URB2: variants seen among roughly 807,000 people sequenced by gnomAD.
The protein encoded by URB2 is URB2 ribosome biogenesis homolog.
In URB2, 86 loss-of-function variants were observed where a neutral mutation model predicts 120.9. The observed-to-expected ratio is 0.71, with a 90% confidence interval of 0.60 to 0.85. The LOEUF is 0.85. URB2 is among the 40% of genes least tolerant of loss of function. URB2 has a pLI of 0.00. For synonymous variants in URB2, 755 were observed against 758.4 expected (o/e 1.00, Z 0.07); for missense variants, 1,765 against 1,836.5 (o/e 0.96, Z 0.71).
Position 229,637,566 on chromosome 1 carries a change from T to C in URB2, c.2953T>C (p.Phe985Leu). The C allele has an allele frequency of 6.2e-7, 1 of 1,614,214 alleles. No homozygotes were observed. Among genetic ancestry groups the C allele is most frequent in the Non-Finnish European group, 8.5e-7 (1 of 1,180,030 alleles). ...LTSLFRASSR[F>L]LIEMDDPAWL... The stretch of plus-strand genomic sequence containing the variant: ...CTCATTGTTCAGAGCTAGTAGTAGG[T>C]TCCTTATTGAGATGGATGATCCCGC... Residue 985 changes from phenylalanine to leucine, a missense_variant, in exon 4 of 10, where the codon TTC becomes CTC. Coordinates refer to ENST00000258243, the MANE Select transcript of URB2 (RefSeq NM_014777.4).
At chr1:229,639,429 G>A (rs183499917) in intron 4 of URB2, among the ~76,000 whole-genome samples, 1 of 151,404 alleles carries the variant, frequency 6.6e-6, no homozygotes, top group Non-Finnish European at 1.5e-5. Flanking sequence ...CCGCTTCCCG[G>A]GTTCATGCCA....
chr1:229,646,522 C>T (rs916032667), intron 6 of URB2, among the ~76,000 whole-genome samples: 1 of 151,994 alleles, frequency 6.6e-6, no homozygotes, highest in South Asian at 2.1e-4. Flanking sequence ...TTTCTTTGTC[C>T]CCACAAAATG....
chr1:229,653,927 C>A (rs895449242), intron 8 of URB2, among the ~76,000 whole-genome samples: 7 of 146,124 alleles, frequency 4.8e-5, no homozygotes, highest in African/African-American at 7.7e-5. Flanking sequence ...TATAGAACTC[C>A]ATCTTGGTGT....
In URB2 at chr1:229,636,146, G is replaced by A. The variant is rs138812286; in HGVS notation, c.1533G>A (p.Leu511=). 1,223 of 1,614,248 alleles carry A rather than the reference G, an allele frequency of 7.6e-4. 1 individual carries two copies. The highest frequency in any genetic ancestry group is 1.6e-3 in the Admixed American group (95 of 60,030). ...CLLELPPSQI[L]DTWSLVLEKF... ...TGGAGCTGCCTCCAAGTCAGATCCTGGACACGTGGTCCCTTGTGCTGGAGA... is the reference window on the plus strand; with the variant it reads ...TGGAGCTGCCTCCAAGTCAGATCCTAGACACGTGGTCCCTTGTGCTGGAGA... The change falls in exon 4 of 10, where the codon CTG becomes CTA. Residue 511 remains leucine (L), a synonymous_variant. Coordinates refer to ENST00000258243, the MANE Select transcript of URB2 (RefSeq NM_014777.4).
At chr1:229,651,782 A>G (rs570953303) in intron 8 of URB2, among the ~76,000 whole-genome samples, 2 of 152,190 alleles carry the variant, frequency 1.3e-5, no homozygotes, top group Non-Finnish European at 2.9e-5. Context: ...TACTAGGGAA[A>G]CACTAACTGC....
At chr1:229,649,718 A>G (rs917886159) in intron 7 of URB2, among the ~76,000 whole-genome samples, 39 of 152,206 alleles carry the variant, frequency 2.6e-4, no homozygotes, top group African/African-American at 9.2e-4. Flanking sequence ...AGGGTATGGT[A>G]AGAAGTCAGC....
At chr1:229,632,511 A>G (rs1324099991) in intron 3 of URB2, 66 bp downstream of exon 3, 1 of 1,397,940 alleles carries the variant, frequency 7.2e-7, no homozygotes, top group Non-Finnish European at 9.4e-7. Context: ...AATGCTGGAA[A>G]CTTGTTTTAG....
At chr1:229,642,025 A>G (rs1666024900) in intron 4 of URB2, among the ~76,000 whole-genome samples, 1 of 152,238 alleles carries the variant, frequency 6.6e-6, no homozygotes, top group African/African-American at 2.4e-5. Flanking sequence ...ACATAAAAAA[A>G]ACCAATTAAA....
chr1:229,627,611 T>A lies in URB2; in HGVS notation c.-13-10T>A. The A allele has an allele frequency of 6.2e-7, 1 of 1,600,884 alleles. No individual in the cohort carries two copies. On this transcript the variant is annotated splice_polypyrimidine_tract_variant and intron_variant, in intron 1 of 9. Coordinates refer to ENST00000258243, the MANE Select transcript of URB2 (RefSeq NM_014777.4). ...ATAGTATTTTTTTTCCCATTGTTTTTAAATTTTAGATAAAGCCTAGCCATG... is the reference window on the plus strand; with the variant it reads ...ATAGTATTTTTTTTCCCATTGTTTTAAAATTTTAGATAAAGCCTAGCCATG...
Position 229,643,502 on chromosome 1 carries a change from T to G in URB2, c.3635-31T>G, listed in dbSNP as rs1326203869. On this transcript the variant is annotated intron_variant, in intron 4 of 9. Coordinates refer to ENST00000258243, the MANE Select transcript of URB2 (RefSeq NM_014777.4). ...TTGGTAGTTTATTTCACCTGTCACA[T>G]CTTAACAATTTTGGTTTCTTTCCCA... 7 of 1,613,390 alleles carry G rather than the reference T, an allele frequency of 4.3e-6. No individual in the cohort carries two copies. In the African/African-American group the frequency reaches 9.3e-5, roughly 22 times the overall value.
intron 2 of URB2, among the ~76,000 whole-genome samples, chr1:229,628,193 A>G (rs1665571568): frequency 6.9e-6 from 1 of 144,430 alleles, no homozygotes; most frequent in Non-Finnish European, 1.5e-5. Flanking sequence ...TATATATAAT[A>G]TATATGTATA....
chr1:229,638,494 T>C (rs978835836), intron 4 of URB2, among the ~76,000 whole-genome samples: 8 of 151,706 alleles, frequency 5.3e-5, no homozygotes, highest in Admixed American at 1.3e-4. Context: ...AAAATACAAA[T>C]AATTAGCCGG....
chr1:229,630,074 C>T (rs1045251065), intron 2 of URB2, among the ~76,000 whole-genome samples: 5 of 152,204 alleles, frequency 3.3e-5, no homozygotes, highest in Admixed American at 2.6e-4. Flanking sequence ...GTCTTGAGCC[C>T]TTCAAAGTCA....
chr1:229,642,361 A>G (rs1358798439), intron 4 of URB2, among the ~76,000 whole-genome samples: 1 of 152,198 alleles, frequency 6.6e-6, no homozygotes, highest in Admixed American at 6.5e-5. Context: ...GTTGAGGTTC[A>G]GAGAGATCAT....
rs529842476 is a variant in URB2, at chr1:229,630,578, A to C, written c.127-1691A>C. ...TCTTAAGGGCCCTGTGATTTTGGGG[A>C]TGGTAAATGAGCACTGGCGTCAAAG... On this transcript the variant is annotated intron_variant, in intron 2 of 9. Coordinates refer to ENST00000258243, the MANE Select transcript of URB2 (RefSeq NM_014777.4). 3.9e-5 allele frequency among the ~76,000 whole-genome samples: 6 copies of C among 152,286 alleles called. No homozygotes were observed. In the East Asian group the frequency reaches 1.2e-3, roughly 29 times the overall value.
intron 4 of URB2, among the ~76,000 whole-genome samples, chr1:229,642,018 TA>T (rs199571026): frequency 6.6e-6 from 1 of 150,890 alleles, no homozygotes; most frequent in African/African-American, 2.5e-5. Context: ...TCCAGAAACA[TA>T]AAAAAAACCA....
In URB2 at chr1:229,636,778, C is replaced by T. The variant is rs760647671; in HGVS notation, c.2165C>T (p.Ser722Phe). ...RKSLNQRTTASWDGQVGMVSG... is the reference protein window; with the variant it reads ...RKSLNQRTTAFWDGQVGMVSG... The stretch of plus-strand genomic sequence containing the variant: ...AGCTTGAATCAGAGAACGACGGCTT[C>T]CTGGGATGGCCAAGTTGGGATGGTG... The change falls in exon 4 of 10, where the codon TCC becomes TTC. Residue 722 changes from serine (S) to phenylalanine (F), a missense_variant. Ser to Phe is a radical substitution (Grantham distance 155). Transcript: ENST00000258243. 1.2e-6 allele frequency: 2 copies of T among 1,612,242 alleles called. No individual in the cohort carries two copies. Among genetic ancestry groups the T allele is most frequent in the East Asian group, 2.2e-5 (1 of 44,850 alleles).
At chr1:229,640,189 A>T (rs975453401) in intron 4 of URB2, among the ~76,000 whole-genome samples, 2 of 152,246 alleles carry the variant, frequency 1.3e-5, no homozygotes, top group African/African-American at 4.8e-5. Context: ...TTAATGTTGC[A>T]TTTTAATAAG....
Position 229,637,263 on chromosome 1 carries a change from A to G in URB2, c.2650A>G (p.Ile884Val), listed in dbSNP as rs781213604. ...GTCCCTGGTCAAGAGTGACTTCCCT[A>G]TCCAGCTGGAGGGAGAGCAGTTGGA... ...LLSLVKSDFP[I>V]QLEGEQLESI... The change falls in exon 4 of 10, where the codon ATC (isoleucine) becomes GTC (valine). Residue 884 changes from isoleucine to valine, a missense_variant. Ile to Val is a conservative substitution (Grantham distance 29). Coordinates refer to ENST00000258243, the MANE Select transcript of URB2 (RefSeq NM_014777.4). 8.1e-6 allele frequency: 13 copies of G among 1,613,984 alleles called. No homozygotes were observed. Among genetic ancestry groups the G allele is most frequent in the African/African-American group, 1.3e-5 (1 of 74,912 alleles).
Sources: allele counts gnomAD v4.1 joint callset (sites outside exome capture counted in the v4.1 genomes callset), GRCh38; gene constraint gnomAD v4.1.1; transcripts MANE v1.5; gene names NCBI Gene and HGNC (gene_info 2026-07-23, HGNC 2026-07-21).